Variants in PCDHGB2 observed in about 807,000 individuals in gnomAD.
The protein encoded by PCDHGB2 is protocadherin gamma-B2.
Under a neutral mutation model 59.3 loss-of-function variants are expected in PCDHGB2, and 55 were observed. The ratio of observed to expected loss-of-function variants is 0.93; its 90% CI spans 0.75 to 1.16. PCDHGB2 has a LOEUF of 1.16. Among genes scored for constraint, PCDHGB2 ranks in the 50% most tolerant of loss-of-function variants. The probability of loss-of-function intolerance (pLI) is 0.00; values close to 1 mark genes in which losing one functional copy is unlikely to be tolerated. For synonymous variants in PCDHGB2, 516 were observed against 512.0 expected (o/e 1.01, Z -0.11); for missense variants, 1,228 against 1,198.5 (o/e 1.02, Z -0.36).
intron 1 of PCDHGB2, chr5:141,422,668 G>A: frequency 6.2e-7 from 1 of 1,607,686 alleles, no homozygotes; most frequent in Non-Finnish European, 8.5e-7. Context: ...CCTCGACCCG[G>A]ACAGCAAACA....
chr5:141,430,997 C>G, intron 1 of PCDHGB2: 1 of 1,613,926 alleles, frequency 6.2e-7, no homozygotes. Context: ...CCTGAATCCG[C>G]GCAGCGGCAG....
intron 1 of PCDHGB2, among the ~76,000 whole-genome samples, chr5:141,373,465 A>G (rs2150023959): frequency 6.6e-6 from 1 of 152,348 alleles, no homozygotes; most frequent in Non-Finnish European, 1.5e-5. Flanking sequence ...AGCAGCTGCA[A>G]TGAGCTATAA....
intron 1 of PCDHGB2, chr5:141,382,596 AATTTTCT>A (rs1778321594): frequency 3.9e-6 from 1 of 254,502 alleles, no homozygotes; most frequent in Non-Finnish European, 7.4e-6. Flanking sequence ...AAGATGAAAC[AATTTTCT>A]ATGAAATCAG....
chr5:141,436,902 G>A (rs2097852984), intron 1 of PCDHGB2, among the ~76,000 whole-genome samples: 1 of 152,210 alleles, frequency 6.6e-6, no homozygotes, highest in Admixed American at 6.5e-5. Flanking sequence ...TTTTATATGA[G>A]ACAATTTTGT....
intron 1 of PCDHGB2, chr5:141,364,103 C>G: frequency 2.4e-6 from 1 of 411,126 alleles, no homozygotes; most frequent in East Asian, 3.6e-5. Flanking sequence ...GATGCAGTCA[C>G]TGGTTAGGAC....
intron 1 of PCDHGB2, chr5:141,478,112 G>A (rs2099430344): frequency 1.2e-6 from 2 of 1,613,968 alleles, no homozygotes; most frequent in South Asian, 2.2e-5. Flanking sequence ...CACTGTGTCA[G>A]TAACCGAGGA....
At chr5:141,506,910 G>C (rs1165112258) in intron 3 of PCDHGB2, among the ~76,000 whole-genome samples, 1 of 152,082 alleles carries the variant, frequency 6.6e-6, no homozygotes, top group Admixed American at 6.5e-5. Context: ...ATCACACCTG[G>C]GCACATACTA....
At chr5:141,446,208 G>GAT (rs1387839424) in intron 1 of PCDHGB2, among the ~76,000 whole-genome samples, 1 of 152,156 alleles carries the variant, frequency 6.6e-6, no homozygotes, top group Non-Finnish European at 1.5e-5. Context: ...CTAGGTGTCT[G>GAT]AAAATATTGT....
At chr5:141,374,363 G>T (rs1770422956) in intron 1 of PCDHGB2, 2 of 1,613,916 alleles carry the variant, frequency 1.2e-6, no homozygotes, top group African/African-American at 2.7e-5. Flanking sequence ...AGACCGCGAG[G>T]AGCTCTGTGC....
rs965293763 is a variant in PCDHGB2 at position 141,372,242 on chromosome 5, G to A, written c.2421+9686G>A. 2.5e-6 allele frequency: 4 copies of A among 1,613,274 alleles called. No individual in the cohort carries two copies. The South Asian group carries it at 3.3e-5, about 13-fold the overall frequency. ...TTGTGCAGGCCAGCGAGCCCGGGCT[G>A]TTCAGCCTGGGCCTGCGCACGGGTG... On this transcript the variant is annotated intron_variant, in intron 1 of 3. Coordinates refer to ENST00000522605, the MANE Select transcript of PCDHGB2 (RefSeq NM_018923.3).
chr5:141,361,554 A>C lies in PCDHGB2; in HGVS notation c.1419A>C (p.Gln473His). 1.9e-6 allele frequency: 3 copies of C among 1,614,062 alleles called. No individual in the cohort carries two copies. The highest frequency in any genetic ancestry group is 2.5e-6 in the Non-Finnish European group (3 of 1,179,910). ...ATCCTCCTGGCGCCTCTATCGCTCAAATCAGTGCCTCTGACCCTGACTTGG... is the reference window on the plus strand; with the variant it reads ...ATCCTCCTGGCGCCTCTATCGCTCACATCAGTGCCTCTGACCCTGACTTGG... ...ENNPPGASIAQISASDPDLGP... is the reference protein window; with the variant it reads ...ENNPPGASIAHISASDPDLGP... The change falls in exon 1 of 4, where the codon CAA becomes CAC. Residue 473 changes from glutamine (Q) to histidine (H), a missense_variant. This residue lies in a region of PCDHGB2 where 781 missense variants were observed against 721.6 expected (regional missense o/e 1.08). Coordinates refer to ENST00000522605, the MANE Select transcript of PCDHGB2 (RefSeq NM_018923.3).
At chr5:141,390,051 A>G in intron 1 of PCDHGB2, 1 of 1,613,978 alleles carries the variant, frequency 6.2e-7, no homozygotes, top group Non-Finnish European at 8.5e-7. Context: ...CGCCTCCTGG[A>G]GCTGCTTCCA....
chr5:141,383,093 G>C, intron 1 of PCDHGB2: 1 of 1,613,930 alleles, frequency 6.2e-7, no homozygotes. Context: ...CGCGGAGTCC[G>C]CATCATCTCC....
At chr5:141,398,415 C>T (rs2093654537) in intron 1 of PCDHGB2, 2 of 1,487,146 alleles carry the variant, frequency 1.3e-6, no homozygotes, top group Non-Finnish European at 1.9e-6. Context: ...AGGAGATATG[C>T]GGGAAGAAGC....
intron 1 of PCDHGB2, chr5:141,422,492 C>A (rs747903569): frequency 2.5e-6 from 4 of 1,613,816 alleles, no homozygotes; most frequent in African/African-American, 2.7e-5. Flanking sequence ...TACAATATAA[C>A]GTTGACAGCC....
intron 1 of PCDHGB2, chr5:141,393,188 T>C: frequency 6.2e-7 from 1 of 1,613,358 alleles, no homozygotes; most frequent in South Asian, 1.1e-5. Context: ...AAATAATTGA[T>C]ATTAACGATA....
intron 1 of PCDHGB2, chr5:141,365,732 G>T: frequency 6.2e-7 from 1 of 1,613,694 alleles, no homozygotes; most frequent in Non-Finnish European, 8.5e-7. Context: ...CAATCCCAGA[G>T]GTGTCTCTAT....
chr5:141,388,522 C>G, intron 1 of PCDHGB2: 1 of 1,613,868 alleles, frequency 6.2e-7, no homozygotes, highest in East Asian at 2.2e-5. Flanking sequence ...TTGACTTTGA[C>G]TGCCTTGGAC....
chr5:141,383,553 C>T (rs765903383), intron 1 of PCDHGB2: 3 of 1,612,130 alleles, frequency 1.9e-6, no homozygotes, highest in South Asian at 2.2e-5. Flanking sequence ...CTGATGGCGG[C>T]GACCCGCCCC....
Sources: allele counts gnomAD v4.1 joint callset (sites outside exome capture counted in the v4.1 genomes callset), GRCh38; gene constraint gnomAD v4.1.1; regional missense constraint gnomAD v4.1.1; transcripts MANE v1.5; gene names NCBI Gene and HGNC (gene_info 2026-07-23, HGNC 2026-07-21).